Variants in TMEM109 observed in about 807,000 individuals in gnomAD.
TMEM109 encodes voltage-gated monoatomic cation channel TMEM109.
TMEM109 carries 19 observed loss-of-function variants against 26.4 expected under a neutral mutation model. The observed-to-expected ratio is 0.72, with a 90% CI of 0.50 to 1.06. The LOEUF (loss-of-function observed/expected upper bound fraction) is 1.06, where lower values mean the gene tolerates loss of function less well. Among genes scored for constraint, TMEM109 ranks in the 50% least tolerant of loss-of-function variants. TMEM109 has a pLI of 0.00. For synonymous variants in TMEM109, 129 were observed against 142.0 expected (o/e 0.91, Z 0.65); for missense variants, 262 against 303.4 (o/e 0.86, Z 1.01).
intron 1 of TMEM109, among the ~76,000 whole-genome samples, chr11:60,917,713 T>C (rs1469838834): frequency 6.6e-6 from 1 of 152,172 alleles, no homozygotes; most frequent in Non-Finnish European, 1.5e-5. Context: ...TGGGATACAG[T>C]GGCATGATCA....
In TMEM109 at chr11:60,922,213, C is replaced by T. The variant is rs1480964412; in HGVS notation, c.*48C>T. The T allele has an allele frequency of 6.4e-7, 1 of 1,552,220 alleles. No homozygotes were observed. The highest frequency in any genetic ancestry group is 8.7e-7 in the Non-Finnish European group (1 of 1,147,942). On this transcript the variant is annotated 3_prime_UTR_variant, in exon 4 of 4. Transcript: ENST00000227525. The stretch of plus-strand genomic sequence containing the variant: ...AGTGTCATACCAAAGAGCTGAGCTG[C>T]TTCGGGGCCATGCAGCCCTCCTGCC...
At position 60,922,367 on chromosome 11, in the gene TMEM109, G is replaced by T; in HGVS notation, c.*202G>T. ...TGTCCTTGCGGCCCTGTCTTCTGAG[G>T]TTCTCTGTCTGGGGTTGGCTCTCTT... On this transcript the variant is annotated 3_prime_UTR_variant, in exon 4 of 4. Transcript: ENST00000227525. 6.5e-7 allele frequency: 1 copy of T among 1,533,292 alleles called. No homozygotes were observed. Among genetic ancestry groups the T allele is most frequent in the Non-Finnish European group, 8.7e-7 (1 of 1,145,404 alleles). The allele number at this position is 1,533,292 out of a possible 1,614,324, so 95.0% of individuals were successfully genotyped here.
intron 2 of TMEM109, 99 bp from the exon 3 acceptor site, chr11:60,920,787 A>C: frequency 9.2e-7 from 1 of 1,089,520 alleles, no homozygotes; most frequent in Non-Finnish European, 1.4e-6. Context: ...AACAGGTCTG[A>C]GACATTCCTG....
rs777885347 is a variant in TMEM109, at chr11:60,922,198, C to T, written c.*33C>T. 1.5e-5 allele frequency: 23 copies of T among 1,557,080 alleles called. No individual in the cohort carries two copies. In the African/African-American group the frequency reaches 3.0e-4, roughly 20 times the overall value. On this transcript the variant is annotated 3_prime_UTR_variant, in exon 4 of 4. Coordinates refer to ENST00000227525, the MANE Select transcript of TMEM109 (RefSeq NM_024092.3). Reference sequence around the variant, plus strand: ...GCCCCACACACCGCCAGTGTCATACCAAAGAGCTGAGCTGCTTCGGGGCCA... The same window carrying T: ...GCCCCACACACCGCCAGTGTCATACTAAAGAGCTGAGCTGCTTCGGGGCCA...
chr11:60,920,999 G>C lies in TMEM109; in HGVS notation c.340+11G>C. On this transcript the variant is annotated intron_variant, in intron 3 of 3. Transcript: ENST00000227525. ...CCTTGGGACTAGCTGGTGAGTGTTC[G>C]AGTGCTGGGTAGTCAGCCAGAGCTT... 2 of 1,611,160 alleles carry C rather than the reference G, an allele frequency of 1.2e-6. No homozygotes were observed. Among genetic ancestry groups the C allele is most frequent in the Non-Finnish European group, 1.7e-6 (2 of 1,177,514 alleles).
rs1565117023 is a variant in TMEM109, at chr11:60,923,368, A to G, written c.*1203A>G. ...ACAGCTGCAGTGATATATATTTTTT[A>G]TCAGTGCTTGGTTGGTTTTAAATAA... On this transcript the variant is annotated 3_prime_UTR_variant, in exon 4 of 4. Coordinates refer to ENST00000227525, the MANE Select transcript of TMEM109 (RefSeq NM_024092.3). 1 of 152,666 alleles carries G rather than the reference A, an allele frequency of 6.6e-6. No individual in the cohort carries two copies. The highest frequency in any genetic ancestry group is 1.5e-5 in the Non-Finnish European group (1 of 68,052). The allele number at this position is 152,666 out of a possible 1,614,324, so 9.5% of individuals were successfully genotyped here. A position where few individuals can be genotyped will look rare whatever the true frequency, so the allele number is the denominator to read the frequency against.
intron 2 of TMEM109, among the ~76,000 whole-genome samples, chr11:60,920,468 A>G (rs946187007): frequency 1.3e-5 from 2 of 152,174 alleles, no homozygotes; most frequent in African/African-American, 2.4e-5. Flanking sequence ...GGAACATCCT[A>G]TCCCTTTACA....
Position 60,921,008 on chromosome 11 carries a change from G to T in TMEM109, c.340+20G>T. 4 of 1,603,996 alleles carry T rather than the reference G, an allele frequency of 2.5e-6. No homozygotes were observed. The highest frequency in any genetic ancestry group is 3.4e-6 in the Non-Finnish European group (4 of 1,171,162). On this transcript the variant is annotated intron_variant, in intron 3 of 3. Transcript: ENST00000227525. ...TAGCTGGTGAGTGTTCGAGTGCTGG[G>T]TAGTCAGCCAGAGCTTTGCCTGTAC...
At chr11:60,917,438 C>T (rs192657616) in intron 1 of TMEM109, among the ~76,000 whole-genome samples, 2 of 152,330 alleles carry the variant, frequency 1.3e-5, no homozygotes, top group African/African-American at 4.8e-5. Context: ...CGCTGTCTGA[C>T]ATTTCTCAAG....
intron 2 of TMEM109, 40 bp from the exon 3 acceptor site, chr11:60,920,846 G>A (rs755922157): frequency 5.2e-6 from 8 of 1,551,322 alleles, no homozygotes; most frequent in South Asian, 2.2e-5. Flanking sequence ...GAGGACCGTT[G>A]TTCATTATGA....
At chr11:60,920,085 C>T (rs1856218523) in intron 2 of TMEM109, among the ~76,000 whole-genome samples, 155 bp downstream of exon 2, 1 of 152,178 alleles carries the variant, frequency 6.6e-6, no homozygotes, top group Non-Finnish European at 1.5e-5. Context: ...TCTTTGAATT[C>T]CTCGTTATTT....
chr11:60,921,963 G>T lies in TMEM109; in HGVS notation c.530G>T (p.Arg177Met), dbSNP rs372614972. 2 of 1,613,912 alleles carry T rather than the reference G, an allele frequency of 1.2e-6. No individual in the cohort carries two copies. Among genetic ancestry groups the T allele is most frequent in the Non-Finnish European group, 1.7e-6 (2 of 1,179,988 alleles). ...IFLAGFVALM[R>M]SVPDPSTRAL... ...CTGGCCGGCTTCGTGGCCCTGATGA[G>T]GTCGGTGCCTGACCCTTCCACCCGG... The change falls in exon 4 of 4, where the codon AGG (arginine) becomes ATG (methionine). Residue 177 changes from arginine (R) to methionine (M), a missense_variant. Coordinates refer to ENST00000227525, the MANE Select transcript of TMEM109 (RefSeq NM_024092.3).
chr11:60,920,021 C>G, intron 2 of TMEM109, 91 bp downstream of exon 2: 1 of 1,096,144 alleles, frequency 9.1e-7, no homozygotes, highest in South Asian at 1.3e-5. Flanking sequence ...AGTTCCACAT[C>G]CTCTCTGGTG....
Position 60,921,841 on chromosome 11 carries a change from A to G in TMEM109, c.408A>G (p.Ala136=), listed in dbSNP as rs1856243679. The G allele has an allele frequency of 6.2e-7, 1 of 1,614,126 alleles. No homozygotes were observed. Among genetic ancestry groups the G allele is most frequent in the Non-Finnish European group, 8.5e-7 (1 of 1,180,026 alleles). The change falls in exon 4 of 4, where the codon GCA becomes GCG. Residue 136 remains alanine, a synonymous_variant. Coordinates refer to ENST00000227525, the MANE Select transcript of TMEM109 (RefSeq NM_024092.3). ...GQVQTFLLWG[A]GALVVYWLLS... ...TCCAGACCTTCCTGCTGTGGGGAGC[A>G]GGGGCCCTGGTCGTCTACTGGCTGC...
At position 60,920,909 on chromosome 11, in the gene TMEM109, C is replaced by G. The variant is rs1353217147; in HGVS notation, c.261C>G (p.Ala87=). ...VSESSSQVLW[A]ISSAISVAFF... ...AGTCTTCGTCCCAAGTGTTGTGGGCCATCTCATCAGCCATTTCTGTGGCCT... is the reference window on the plus strand; with the variant it reads ...AGTCTTCGTCCCAAGTGTTGTGGGCGATCTCATCAGCCATTTCTGTGGCCT... Residue 87 remains alanine (A), a synonymous_variant, in exon 3 of 4, where the codon GCC becomes GCG. Coordinates refer to ENST00000227525, the MANE Select transcript of TMEM109 (RefSeq NM_024092.3). 3.1e-6 allele frequency: 5 copies of G among 1,614,158 alleles called. No individual in the cohort carries two copies. The East Asian group carries it at 1.1e-4, about 36-fold the overall frequency.
intron 1 of TMEM109, among the ~76,000 whole-genome samples, chr11:60,917,727 C>G (rs1856188513): frequency 6.6e-6 from 1 of 152,160 alleles, no homozygotes; most frequent in African/African-American, 2.4e-5. Context: ...ATGATCATAG[C>G]TCACTGCAGC....
chr11:60,922,396 C>T lies in TMEM109; in HGVS notation c.*231C>T. 1 of 1,522,284 alleles carries T rather than the reference C, an allele frequency of 6.6e-7. No individual in the cohort carries two copies. Among genetic ancestry groups the T allele is most frequent in the South Asian group, 1.2e-5 (1 of 83,064 alleles). The allele number at this position is 1,522,284 out of a possible 1,614,324, so 94.3% of individuals were successfully genotyped here. On this transcript the variant is annotated 3_prime_UTR_variant, in exon 4 of 4. Transcript: ENST00000227525. ...TCTGTCTGGGGTTGGCTCTCTTAACCCTTTCTCTGCTCCCAGCCTGCCTCA... is the reference window on the plus strand; with the variant it reads ...TCTGTCTGGGGTTGGCTCTCTTAACTCTTTCTCTGCTCCCAGCCTGCCTCA...
chr11:60,919,330 T>C (rs1023827773), intron 1 of TMEM109, among the ~76,000 whole-genome samples: 3 of 152,224 alleles, frequency 2.0e-5, no homozygotes, highest in Admixed American at 2.0e-4. Context: ...TATAGAGTCT[T>C]ATAATACTTT....
Position 60,921,802 on chromosome 11 carries a change from C to T in TMEM109, c.369C>T (p.Leu123=). The T allele has an allele frequency of 6.2e-7, 1 of 1,613,242 alleles. No homozygotes were observed. Among genetic ancestry groups the T allele is most frequent in the Non-Finnish European group, 8.5e-7 (1 of 1,179,904 alleles). The change falls in exon 4 of 4, where the codon CTC becomes CTT. Residue 123 remains leucine (L), a synonymous_variant. Coordinates refer to ENST00000227525, the MANE Select transcript of TMEM109 (RefSeq NM_024092.3). ...ATTACCTCGCCCAGGGCCTGAAGCT[C>T]AGCCCTGGCCAGGTCCAGACCTTCC... The part of the protein sequence containing the change: ...AGDYLAQGLK[L]SPGQVQTFLL...
Sources: allele counts gnomAD v4.1 joint callset (sites outside exome capture counted in the v4.1 genomes callset), GRCh38; gene constraint gnomAD v4.1.1; transcripts MANE v1.5; gene names NCBI Gene and HGNC (gene_info 2026-07-23, HGNC 2026-07-21).